The following CRACR2A variants were observed in gnomAD, a reference collection of about 807,000 sequenced individuals.
CRACR2A encodes the protein calcium release activated channel regulator 2A, also known as EF-hand calcium-binding domain-containing protein 4B.
Under a neutral mutation model 90.5 loss-of-function variants are expected in CRACR2A, and 79 were observed. The observed-to-expected ratio is 0.87, with a 90% confidence interval of 0.73 to 1.05. The LOEUF (loss-of-function observed/expected upper bound fraction) is 1.05, where lower values mean the gene tolerates loss of function less well. Among genes scored for constraint, CRACR2A ranks in the 50% least tolerant of loss-of-function variants. The pLI, the probability that CRACR2A is intolerant of heterozygous loss-of-function variation, is 0.00. For missense variants in CRACR2A, 823 were observed against 897.2 expected (o/e 0.92, Z 1.06); for synonymous variants, 338 against 356.7 (o/e 0.95, Z 0.59).
rs182381265 is a variant in CRACR2A, at chr12:3,746,940, G to A, written c.-387+6075C>T. 1.5e-3 allele frequency among the ~76,000 whole-genome samples: 226 copies of A among 152,366 alleles called. 1 individual carries two copies. The highest frequency in any genetic ancestry group is 0.015 in the South Asian group (71 of 4,826). On this transcript the variant is annotated intron_variant, in intron 1 of 19. Coordinates refer to ENST00000440314, the MANE Select transcript of CRACR2A (RefSeq NM_001144958.2). This position sits in a 1 kb window ranked among gnomAD's most constrained non-coding sequence, Gnocchi z 4.4. The stretch of plus-strand genomic sequence containing the variant: ...CCATGACCCATGGGATCACATGTGC[G>A]TGGACCACGTGCTTCCTCACATCCC...
At chr12:3,648,787 G>A (rs1249501961) in intron 10 of CRACR2A, among the ~76,000 whole-genome samples, 174 bp from the exon 11 acceptor site, 1 of 152,166 alleles carries the variant, frequency 6.6e-6, no homozygotes, top group Admixed American at 6.5e-5. Context: ...ATCACACATG[G>A]CCAATTTGGG....
At chr12:3,678,356 C>T (rs191630261) in intron 6 of CRACR2A, among the ~76,000 whole-genome samples, 68 of 152,270 alleles carry the variant, frequency 4.5e-4, no homozygotes, top group African/African-American at 1.6e-3. Context: ...AAAACTGCTT[C>T]ATTTCCCACC....
At chr12:3,637,611 G>A (rs1029393215) in intron 14 of CRACR2A, among the ~76,000 whole-genome samples, 1 of 151,650 alleles carries the variant, frequency 6.6e-6, no homozygotes, top group African/African-American at 2.4e-5. Flanking sequence ...TCACTTTCTG[G>A]CTCATTACAC....
intron 10 of CRACR2A, among the ~76,000 whole-genome samples, chr12:3,650,524 A>G (rs938779535): frequency 6.6e-6 from 1 of 152,148 alleles, no homozygotes; most frequent in Non-Finnish European, 1.5e-5. Flanking sequence ...CTGGGTCTCT[A>G]AACCCCTGTC....
chr12:3,745,437 G>A (rs914037321), intron 1 of CRACR2A, among the ~76,000 whole-genome samples: 4 of 152,000 alleles, frequency 2.6e-5, no homozygotes, highest in Admixed American at 2.6e-4. Flanking sequence ...AACCTGCCTT[G>A]GGAAGAAAGC....
chr12:3,626,452 G>T (rs1944262384), intron 17 of CRACR2A, among the ~76,000 whole-genome samples: 1 of 152,212 alleles, frequency 6.6e-6, no homozygotes, highest in Admixed American at 6.5e-5. Context: ...TAAGCAATTT[G>T]TTGCAGCATG....
In CRACR2A at chr12:3,716,540, T is replaced by A. The variant is rs143390774; in HGVS notation, c.-117-3223A>T. 1.7e-3 allele frequency among the ~76,000 whole-genome samples: 257 copies of A among 152,326 alleles called. 2 individuals are homozygous for A. Among genetic ancestry groups the A allele is most frequent in the African/African-American group, 6.0e-3 (250 of 41,576 alleles). On this transcript the variant is annotated intron_variant, in intron 2 of 19. Coordinates refer to ENST00000440314, the MANE Select transcript of CRACR2A (RefSeq NM_001144958.2). ...CATCGTTAGTTCTGTTAAACACTGG[T>A]CCTTTTTAGTTAGGGCACAAACAAG...
intron 3 of CRACR2A, among the ~76,000 whole-genome samples, chr12:3,708,368 T>C (rs1565497078): frequency 3.9e-5 from 6 of 152,234 alleles, no homozygotes; most frequent in African/African-American, 1.4e-4. Flanking sequence ...GGCTTTCTCC[T>C]ACCTCCCATC....
chr12:3,680,394 G>A, intron 4 of CRACR2A, 45 bp from the exon 5 acceptor site: 1 of 1,540,124 alleles, frequency 6.5e-7, no homozygotes, highest in Non-Finnish European at 9.0e-7. Context: ...ACACTCACTG[G>A]TGGGGGAGGT....
intron 7 of CRACR2A, among the ~76,000 whole-genome samples, chr12:3,666,354 T>TGTGTGTGC (rs372810487): frequency 1.3e-4 from 19 of 144,966 alleles, no homozygotes; most frequent in Admixed American, 4.7e-4. Context: ...TGTGTGTGTG[T>TGTGTGTGC]GCGTGCGTGT....
At position 3,674,601 on chromosome 12, in the gene CRACR2A, TATA is replaced by T. The variant is rs1245393191; in HGVS notation, c.525-1012_525-1010del. Among the ~76,000 whole-genome samples, 5 of 152,378 alleles carry T rather than the reference TATA, an allele frequency of 3.3e-5. No homozygotes were observed. In the East Asian group the frequency reaches 7.7e-4, roughly 23 times the overall value. On this transcript the variant is annotated intron_variant, in intron 6 of 19. Coordinates refer to ENST00000440314, the MANE Select transcript of CRACR2A (RefSeq NM_001144958.2). Reference sequence around the variant, plus strand: ...GTTATAGCATCAAGTTTGAAAGTTATATAATAATAAACAGTAGAGTTCAAGTGA... The same window carrying T: ...GTTATAGCATCAAGTTTGAAAGTTATATAATAAACAGTAGAGTTCAAGTGA...
intron 1 of CRACR2A, among the ~76,000 whole-genome samples, chr12:3,738,932 G>A (rs1016655576): frequency 2.6e-5 from 4 of 152,000 alleles, no homozygotes; most frequent in Admixed American, 2.0e-4. Flanking sequence ...AGAAGGCAGT[G>A]GTAAAATACC....
At chr12:3,684,536 C>T (rs1050719127) in intron 4 of CRACR2A, among the ~76,000 whole-genome samples, 21 of 152,290 alleles carry the variant, frequency 1.4e-4, no homozygotes, top group African/African-American at 4.6e-4. Context: ...GCAGCACTTC[C>T]CTCACCAGTC....
In CRACR2A at chr12:3,648,571, G is replaced by A. The variant is rs148020723; in HGVS notation, c.1089C>T (p.Ala363=). The change falls in exon 11 of 20, where the codon GCC becomes GCT. Residue 363 remains alanine, a synonymous_variant. Transcript: ENST00000440314. ...RVTESLQREK[A]GLLKQLDFLR... ...GGAAATCCAGCTGCTTGAGGAGCCC[G>A]GCCTTCTCACGCTGTAGACTCTCCG... The A allele has an allele frequency of 5.3e-5, 86 of 1,614,040 alleles. No homozygotes were observed. In the African/African-American group the frequency reaches 8.7e-4, roughly 16 times the overall value.
intron 12 of CRACR2A, among the ~76,000 whole-genome samples, chr12:3,643,924 T>TA (rs1944635888): frequency 1.6e-5 from 2 of 121,306 alleles, no homozygotes; most frequent in East Asian, 2.2e-4. Flanking sequence ...ATATTATATA[T>TA]ATATATATAA....
intron 4 of CRACR2A, among the ~76,000 whole-genome samples, chr12:3,693,308 C>T (rs192599654): frequency 1.3e-3 from 196 of 152,318 alleles, no homozygotes; most frequent in Admixed American, 3.4e-3. Context: ...AGGACACCTG[C>T]GGCTGCTCCA....
At chr12:3,657,194 T>C (rs1262514607) in intron 8 of CRACR2A, among the ~76,000 whole-genome samples, 3 of 152,256 alleles carry the variant, frequency 2.0e-5, no homozygotes, top group Non-Finnish European at 4.4e-5. Flanking sequence ...TGCTTCATTC[T>C]TTTGGATCAC....
chr12:3,688,554 G>GT (rs1337969344), intron 4 of CRACR2A, among the ~76,000 whole-genome samples: 3 of 152,126 alleles, frequency 2.0e-5, no homozygotes, highest in Admixed American at 6.5e-5. Context: ...CTATGTGTCT[G>GT]TTTTTGTGTC....
chr12:3,666,752 AT>A (rs1425387500), intron 7 of CRACR2A, among the ~76,000 whole-genome samples: 1 of 152,158 alleles, frequency 6.6e-6, no homozygotes, highest in Non-Finnish European at 1.5e-5. Context: ...TGGTCAAAAG[AT>A]TTTTTTCCTG....
Sources: allele counts gnomAD v4.1 joint callset (sites outside exome capture counted in the v4.1 genomes callset), GRCh38; gene constraint gnomAD v4.1.1; non-coding constraint Gnocchi (gnomAD v3.1); transcripts MANE v1.5; gene names NCBI Gene and HGNC (gene_info 2026-07-23, HGNC 2026-07-21).